IQSEC1: variants seen among roughly 807,000 people sequenced by gnomAD.
IQSEC1 encodes IQ motif and Sec7 domain ArfGEF 1, also known as IQ motif and SEC7 domain-containing protein 1.
In IQSEC1, 31 loss-of-function variants were observed where a neutral mutation model predicts 91.0. The observed-to-expected ratio is 0.34, with a 90% CI of 0.26 to 0.46. The LOEUF (loss-of-function observed/expected upper bound fraction) is 0.46, where lower values mean the gene tolerates loss of function less well. Among genes scored for constraint, IQSEC1 ranks in the 20% least tolerant of loss-of-function variants. IQSEC1 has a pLI of 1.00. For synonymous variants in IQSEC1, 699 were observed against 662.6 expected (o/e 1.05, Z -0.84); for missense variants, 1,388 against 1,575.6 (o/e 0.88, Z 2.02).
intron 1 of IQSEC1, among the ~76,000 whole-genome samples, chr3:12,989,182 C>G (rs1000660049): frequency 6.6e-6 from 1 of 152,240 alleles, no homozygotes; most frequent in African/African-American, 2.4e-5. Context: ...TCTCTTGCCA[C>G]TAGAATAAAA....
chr3:12,977,203 C>T (rs1277047836), intron 1 of IQSEC1, among the ~76,000 whole-genome samples: 1 of 151,982 alleles, frequency 6.6e-6, no homozygotes, highest in Non-Finnish European at 1.5e-5. Flanking sequence ...AAAAAATTAG[C>T]CGGGTGTGGT....
chr3:13,025,610 T>A (rs1296654266), intron 1 of IQSEC1, among the ~76,000 whole-genome samples: 1 of 152,246 alleles, frequency 6.6e-6, no homozygotes, highest in Non-Finnish European at 1.5e-5. Flanking sequence ...CCTGTTGAGA[T>A]GTGTCTGCCT....
intron 1 of IQSEC1, among the ~76,000 whole-genome samples, chr3:13,012,093 A>G (rs1702910308): frequency 6.6e-6 from 1 of 152,166 alleles, no homozygotes; most frequent in Non-Finnish European, 1.5e-5. Context: ...GTAGGTGTAC[A>G]CTAAGTGCTC....
chr3:13,143,310 A>G (rs1471533833), intron 2 of IQSEC1, among the ~76,000 whole-genome samples: 1 of 152,232 alleles, frequency 6.6e-6, no homozygotes, highest in East Asian at 1.9e-4. Context: ...AGCTTCAGAC[A>G]GAAGTCCCGC....
At chr3:12,997,385 T>C (rs1293631907) in intron 1 of IQSEC1, among the ~76,000 whole-genome samples, 1 of 152,240 alleles carries the variant, frequency 6.6e-6, no homozygotes, top group Non-Finnish European at 1.5e-5. Context: ...ATTTTATACT[T>C]TTTTGTAATA....
chr3:13,001,358 C>T (rs1013631557), intron 1 of IQSEC1, among the ~76,000 whole-genome samples: 1 of 152,212 alleles, frequency 6.6e-6, no homozygotes, highest in Non-Finnish European at 1.5e-5. Context: ...CTATCTGGAA[C>T]TCTGCTCTCC....
At chr3:13,092,775 G>A (rs531178759) in intron 2 of IQSEC1, among the ~76,000 whole-genome samples, 85 of 152,102 alleles carry the variant, frequency 5.6e-4, no homozygotes, top group Non-Finnish European at 1.0e-3. Flanking sequence ...GCGCTCTCTG[G>A]CCCCACCCAC....
chr3:12,911,118 TG>T (rs1315245332), intron 10 of IQSEC1, among the ~76,000 whole-genome samples: 2 of 152,106 alleles, frequency 1.3e-5, no homozygotes, highest in African/African-American at 4.8e-5. Flanking sequence ...GCAGCTATGA[TG>T]GGGGCCCTGT....
At chr3:13,038,240 GTA>G (rs1296594428) in intron 1 of IQSEC1, among the ~76,000 whole-genome samples, 1,112 of 92,072 alleles carry the variant, frequency 0.012, 13 homozygotes, top group African/African-American at 0.042. Flanking sequence ...AAATATACAA[GTA>G]TATATATGTG....
chr3:12,899,235 G>GGGC lies in IQSEC1; in HGVS notation c.*1745_*1747dup. 1.3e-6 allele frequency: 1 copy of GGGC among 786,182 alleles called. No homozygotes were observed. Among genetic ancestry groups the GGGC allele is most frequent in the East Asian group, 2.7e-5 (1 of 36,584 alleles). The allele number at this position is 786,182 out of a possible 1,614,324, so 48.7% of individuals were successfully genotyped here. A position where few individuals can be genotyped will look rare whatever the true frequency, so the allele number is the denominator to read the frequency against. On this transcript the variant is annotated 3_prime_UTR_variant, in exon 14 of 14. Transcript: ENST00000613206. ...AGCCAAGGTGACACACAGCCAGAGGGGGCTCCCCTCTCCTCCTGCCGTCCG... is the reference window on the plus strand; with the variant it reads ...AGCCAAGGTGACACACAGCCAGAGGGGGCGGCTCCCCTCTCCTCCTGCCGTCCG...
At chr3:13,202,095 A>T (rs1694255568) in intron 1 of IQSEC1, among the ~76,000 whole-genome samples, 1 of 152,210 alleles carries the variant, frequency 6.6e-6, no homozygotes, top group African/African-American at 2.4e-5. Context: ...ACCACGTGCA[A>T]AAGTCTGTGC....
chr3:13,245,814 A>T (rs563742570), intron 1 of IQSEC1, among the ~76,000 whole-genome samples: 1 of 151,734 alleles, frequency 6.6e-6, no homozygotes, highest in East Asian at 1.9e-4. Context: ...GGGGAAGTGA[A>T]GCCGTTTCGC....
chr3:13,261,056 G>A (rs1393088623), intron 1 of IQSEC1, among the ~76,000 whole-genome samples: 1 of 152,212 alleles, frequency 6.6e-6, no homozygotes, highest in Non-Finnish European at 1.5e-5. Flanking sequence ...CAAGAGTGAG[G>A]GACAGATTTT....
intron 2 of IQSEC1, among the ~76,000 whole-genome samples, chr3:13,150,204 T>C (rs578038507): frequency 6.6e-6 from 1 of 152,298 alleles, no homozygotes; most frequent in Non-Finnish European, 1.5e-5. Context: ...TAATACATAT[T>C]AGAGTTCCTT....
chr3:13,148,681 C>T (rs991678655), intron 2 of IQSEC1, among the ~76,000 whole-genome samples: 13 of 152,362 alleles, frequency 8.5e-5, no homozygotes, highest in Non-Finnish European at 1.2e-4. Flanking sequence ...CCACAGTCCC[C>T]GGGGCTCCCT....
At position 13,252,716 on chromosome 3, in the gene IQSEC1, A is replaced by AT. The variant is rs534082627; in HGVS notation, c.272+29994dup. Among the ~76,000 whole-genome samples the AT allele has an allele frequency of 1.9e-4, 24 of 125,838 alleles. 1 individual carries two copies. Among genetic ancestry groups the AT allele is most frequent in the African/African-American group, 9.7e-4 (23 of 23,634 alleles). 82.6% of individuals were successfully genotyped at this position (125,838 alleles called of 152,430 possible). ...TTCACCAACAGACTTCTTATTATCT[A>AT]TGTTTTTTTTTGTTTTTGTTTGTTT... is the stretch of plus-strand genomic sequence containing the variant. On this transcript the variant is annotated intron_variant, in intron 1 of 15. Coordinates refer to the IQSEC1 transcript ENST00000648114.
chr3:13,160,062 A>G (rs1332561161), intron 2 of IQSEC1, among the ~76,000 whole-genome samples: 2 of 152,190 alleles, frequency 1.3e-5, no homozygotes, highest in Non-Finnish European at 2.9e-5. Context: ...ATGGTCAAAA[A>G]ATGAGTCATT....
At chr3:13,130,327 G>A (rs1429245544) in intron 2 of IQSEC1, among the ~76,000 whole-genome samples, 3 of 118,058 alleles carry the variant, frequency 2.5e-5, no homozygotes, top group Admixed American at 1.1e-4. Flanking sequence ...CTGGGCGACA[G>A]AACGAGACTC....
chr3:13,107,761 G>A (rs1454585623), intron 2 of IQSEC1, among the ~76,000 whole-genome samples: 2 of 152,246 alleles, frequency 1.3e-5, no homozygotes, highest in African/African-American at 4.8e-5. Context: ...GGGCCGCTGG[G>A]TCTCATGATC....
Sources: allele counts gnomAD v4.1 joint callset (sites outside exome capture counted in the v4.1 genomes callset), GRCh38; gene constraint gnomAD v4.1.1; transcripts MANE v1.5; gene names NCBI Gene and HGNC (gene_info 2026-07-23, HGNC 2026-07-21).